The following ZNF469 variants were observed in gnomAD, a reference collection of about 807,000 sequenced individuals.
The protein encoded by ZNF469 is zinc finger protein 469.
ZNF469 carries 1 observed loss-of-function variant against 1.0 expected under a neutral mutation model. That is an observed-to-expected ratio of 1.00 (90% CI 0.35 to 4.73). ZNF469 has a LOEUF of 4.73. Among genes scored for constraint, ZNF469 ranks in the 30% most tolerant of loss-of-function variants. ZNF469 has a pLI of 0.16. For missense variants in ZNF469, 6,100 were observed against 5,356.3 expected, an observed-to-expected ratio of 1.14 and a Z score of -4.33; for synonymous variants, 2,703 against 2,363.4, an observed-to-expected ratio of 1.14 and a Z score of -4.17.
At chr16:88,116,458 A>G in the ZNF469 span, among the ~76,000 whole-genome samples, 1 of 152,192 alleles carries the variant, frequency 6.6e-6, no homozygotes, top group African/African-American at 2.4e-5. Context: ...GTTTCACCCA[A>G]AAGTAAACAC....
At position 88,428,629 on chromosome 16, in the gene ZNF469, G is replaced by A; in HGVS notation, c.1159G>A (p.Ala387Thr). The change falls in exon 3 of 3, where the codon GCC becomes ACC. Residue 387 changes from alanine to threonine, a missense_variant. Ala to Thr is a moderately conservative substitution (Grantham distance 58). Coordinates refer to ENST00000565624, the MANE Select transcript of ZNF469 (RefSeq NM_001367624.2). The stretch of plus-strand genomic sequence containing the variant: ...AATCCTTCCCGAAAGACCACCTTCA[G>A]CCCAGGATGGGCTGGGGAGCACGAG... ...TKILPERPPSAQDGLGSTRGP... is the reference protein window; with the variant it reads ...TKILPERPPSTQDGLGSTRGP... The A allele has an allele frequency of 6.5e-7, 1 of 1,550,196 alleles. No individual in the cohort carries two copies. The highest frequency in any genetic ancestry group is 1.2e-5 in the South Asian group (1 of 84,062).
chr16:88,431,021 C>T lies in ZNF469; in HGVS notation c.3551C>T (p.Ala1184Val), dbSNP rs773837873. Residue 1184 changes from alanine (A) to valine (V), a missense_variant, in exon 3 of 3, where the codon GCC becomes GTC. Transcript: ENST00000565624. ...CGAAGCCTGGAGACGGGAGCGGCCG[C>T]CAGGGAGGGAGGCCCCAAGTGTGCT... ...PSRSLETGAA[A>V]REGGPKCADR... The T allele has an allele frequency of 4.5e-6, 7 of 1,544,722 alleles. No homozygotes were observed. The highest frequency in any genetic ancestry group is 6.1e-6 in the Non-Finnish European group (7 of 1,146,598).
In ZNF469 at chr16:88,435,647, G is replaced by A; in HGVS notation, c.8177G>A (p.Gly2726Glu). 6.4e-7 allele frequency: 1 copy of A among 1,550,526 alleles called. No individual in the cohort carries two copies. Among genetic ancestry groups the A allele is most frequent in the South Asian group, 1.2e-5 (1 of 84,062 alleles). The change falls in exon 3 of 3, where the codon GGA (glycine) becomes GAA (glutamate). Residue 2726 changes from glycine to glutamate, a missense_variant. By Grantham distance (98) the Gly-to-Glu change is moderately conservative. Coordinates refer to ENST00000565624, the MANE Select transcript of ZNF469 (RefSeq NM_001367624.2). ...AGETGAQKPP[G>E]DRMLCPGRMD... is the part of the protein sequence containing the mutation. Reference sequence around the variant, plus strand: ...GAGACTGGGGCCCAGAAGCCACCTGGAGATCGGATGCTGTGTCCAGGGAGG... The same window carrying A: ...GAGACTGGGGCCCAGAAGCCACCTGAAGATCGGATGCTGTGTCCAGGGAGG...
At chr16:88,117,607 G>GTGGAGATGCCACGTGCCTTCGGGGACCA in the ZNF469 span, among the ~76,000 whole-genome samples, 14 of 148,938 alleles carry the variant, frequency 9.4e-5, no homozygotes, top group Non-Finnish European at 1.8e-4. Context: ...TTCGGGGACC[G>GTGGAGATGCCACGTGCCTTCGGGGACCA]TGGAGGTGCC....
the ZNF469 span, chr16:88,302,329 C>T: frequency 1.3e-5 from 2 of 152,304 alleles, no homozygotes; most frequent in Non-Finnish European, 2.9e-5. Context: ...TGAGTCTGGC[C>T]AATGGAGTCT....
rs1597212565 is a variant in ZNF469 at position 88,435,483 on chromosome 16, C to T, written c.8013C>T (p.Tyr2671=). 1 of 1,549,108 alleles carries T rather than the reference C, an allele frequency of 6.5e-7. No homozygotes were observed. The highest frequency in any genetic ancestry group is 8.7e-7 in the Non-Finnish European group (1 of 1,146,978). Residue 2671 remains tyrosine, a synonymous_variant, in exon 3 of 3, where the codon TAC becomes TAT. Transcript: ENST00000565624. The stretch of plus-strand genomic sequence containing the variant: ...GACCATCCCCTGCAATGGCCAGTTA[C>T]GCAGCCTCTCCGAGCCACTGCCTCT... ...GSRPSPAMAS[Y]AASPSHCLSV...
rs548055134 is a variant in ZNF469, at chr16:88,395,469, T to C, written c.-192+12215T>C. Among the ~76,000 whole-genome samples, 374 of 152,262 alleles carry C rather than the reference T, an allele frequency of 2.5e-3. 1 individual carries two copies. Among genetic ancestry groups the C allele is most frequent in the African/African-American group, 8.6e-3 (356 of 41,542 alleles). On this transcript the variant is annotated intron_variant, in intron 1 of 2. Coordinates refer to ENST00000565624, the MANE Select transcript of ZNF469 (RefSeq NM_001367624.2). ...ATGTAACATTGTATGTTACACGTAT[T>C]GTATAAATAATATATAATTGTATAT...
At position 88,435,866 on chromosome 16, in the gene ZNF469, C is replaced by A; in HGVS notation, c.8396C>A (p.Pro2799His). 1 of 1,550,300 alleles carries A rather than the reference C, an allele frequency of 6.5e-7. No individual in the cohort carries two copies. Among genetic ancestry groups the A allele is most frequent in the Non-Finnish European group, 8.7e-7 (1 of 1,146,960 alleles). Residue 2799 changes from proline (P) to histidine (H), a missense_variant, in exon 3 of 3, where the codon CCC becomes CAC. By Grantham distance (77) the Pro-to-His change is moderately conservative (BLOSUM62 -2). Coordinates refer to ENST00000565624, the MANE Select transcript of ZNF469 (RefSeq NM_001367624.2). ...GAGGAGAACACGCCCCCCTTGGGCC[C>A]CCTGGGTTTTCCCGAGACTTCCAGC... ...VWEENTPPLG[P>H]LGFPETSSSP...
At chr16:88,264,736 CT>C in the ZNF469 span, among the ~76,000 whole-genome samples, 1 of 152,170 alleles carries the variant, frequency 6.6e-6, no homozygotes, top group South Asian at 2.1e-4. Flanking sequence ...CCCCGAGCCC[CT>C]CCCAGTCCAG....
At chr16:88,398,424 G>A (rs76991371) in intron 1 of ZNF469, among the ~76,000 whole-genome samples, 38,399 of 141,764 alleles carry the variant, frequency 0.27, 5,384 homozygotes, top group African/African-American at 0.42. Flanking sequence ...GGGACATGTG[G>A]GCCACGGATG....
At chr16:88,384,680 G>A (rs1345782040) in intron 1 of ZNF469, among the ~76,000 whole-genome samples, 1 of 152,220 alleles carries the variant, frequency 6.6e-6, no homozygotes, top group Admixed American at 6.5e-5. Flanking sequence ...CAGGGGCCCC[G>A]CAGAGTCTCA....
chr16:88,376,754 C>A, the ZNF469 span, among the ~76,000 whole-genome samples: 2 of 152,228 alleles, frequency 1.3e-5, no homozygotes, highest in Admixed American at 1.3e-4. Context: ...GGTGTCCCGG[C>A]CACACGGCTG....
chr16:88,230,847 C>T, the ZNF469 span, among the ~76,000 whole-genome samples: 2 of 152,316 alleles, frequency 1.3e-5, no homozygotes, highest in South Asian at 2.1e-4. Flanking sequence ...GTGGCCTCTC[C>T]TGTGGACAGG....
At chr16:88,146,182 G>A in the ZNF469 span, among the ~76,000 whole-genome samples, 2 of 152,164 alleles carry the variant, frequency 1.3e-5, no homozygotes, top group African/African-American at 2.4e-5. Context: ...ATGCACCAGC[G>A]GCACCACGAC....
Position 88,429,062 on chromosome 16 carries a change from G to T in ZNF469, c.1592G>T (p.Arg531Ile). 1 of 1,549,990 alleles carries T rather than the reference G, an allele frequency of 6.5e-7. No individual in the cohort carries two copies. Among genetic ancestry groups the T allele is most frequent in the Non-Finnish European group, 8.7e-7 (1 of 1,146,880 alleles). ...ACTGCTGGCAAGACACCGGGACCCA[G>T]AGAGAAGCTGCCAGCCGTGAGAAGC... The part of the protein sequence containing the change: ...LGTAGKTPGP[R>I]EKLPAVRSSQ... The change falls in exon 3 of 3, where the codon AGA becomes ATA. Residue 531 changes from arginine (R) to isoleucine (I), a missense_variant. Arg to Ile is a moderately conservative substitution (Grantham distance 97). Transcript: ENST00000565624.
the ZNF469 span, among the ~76,000 whole-genome samples, chr16:88,323,919 T>C: frequency 0.043 from 6,472 of 152,184 alleles, 282 homozygotes; most frequent in East Asian, 0.17. Flanking sequence ...ATTTCACCCC[T>C]CCCAGTTCCC....
At chr16:88,164,958 C>T in the ZNF469 span, among the ~76,000 whole-genome samples, 3 of 152,210 alleles carry the variant, frequency 2.0e-5, no homozygotes, top group East Asian at 1.9e-4. Flanking sequence ...CCCCGCCATG[C>T]CACGGTGCCG....
the ZNF469 span, among the ~76,000 whole-genome samples, chr16:88,376,174 C>A: frequency 1.3e-5 from 2 of 152,258 alleles, no homozygotes; most frequent in African/African-American, 4.8e-5. Flanking sequence ...TCGCCAGTCG[C>A]CCCAGCAACA....
intron 1 of ZNF469, among the ~76,000 whole-genome samples, chr16:88,405,270 G>A (rs560739311): frequency 3.4e-5 from 5 of 145,222 alleles, no homozygotes; most frequent in East Asian, 4.0e-4. Flanking sequence ...CATACAGGAC[G>A]AGGCTGGCAC....
Sources: allele counts gnomAD v4.1 joint callset (sites outside exome capture counted in the v4.1 genomes callset), GRCh38; gene constraint gnomAD v4.1.1; transcripts MANE v1.5; gene names NCBI Gene and HGNC (gene_info 2026-07-23, HGNC 2026-07-21).